RSRC1: variants seen among roughly 807,000 people sequenced by gnomAD.
RSRC1 encodes the protein serine/Arginine-related protein 53.
A neutral mutation model predicts 49.1 loss-of-function variants in RSRC1; 39 were observed. That is an observed-to-expected ratio of 0.79 (90% CI 0.61 to 1.04). RSRC1 has a LOEUF of 1.04. Among genes scored for constraint, RSRC1 ranks in the 50% least tolerant of loss-of-function variants. The pLI is 0.00. For missense variants in RSRC1, 388 were observed against 402.4 expected (o/e 0.96, Z 0.31); for synonymous variants, 143 against 130.8 (o/e 1.09, Z -0.63).
chr3:158,248,287 T>C (rs2108007976), intron 4 of RSRC1, among the ~76,000 whole-genome samples: 1 of 152,254 alleles, frequency 6.6e-6, no homozygotes, highest in South Asian at 2.1e-4. Context: ...GTAAATTACT[T>C]TTGTGTGTTT....
At chr3:158,300,448 G>T (rs993437109) in intron 5 of RSRC1, among the ~76,000 whole-genome samples, 1 of 152,042 alleles carries the variant, frequency 6.6e-6, no homozygotes, top group African/African-American at 2.4e-5. Flanking sequence ...TTTCTAAAAA[G>T]GTTCATGCCT....
At chr3:158,169,112 C>G (rs1414915976) in intron 3 of RSRC1, among the ~76,000 whole-genome samples, 1 of 152,164 alleles carries the variant, frequency 6.6e-6, no homozygotes, top group Non-Finnish European at 1.5e-5. Flanking sequence ...TGCTGCCTTT[C>G]CCTTTTGTGG....
chr3:158,116,752 A>G (rs1298467405), intron 1 of RSRC1, among the ~76,000 whole-genome samples: 3 of 152,142 alleles, frequency 2.0e-5, no homozygotes. Flanking sequence ...AAAGTGTTGT[A>G]GAGATCCCCA....
At chr3:158,238,157 C>A (rs80215354) in intron 4 of RSRC1, among the ~76,000 whole-genome samples, 1 of 152,080 alleles carries the variant, frequency 6.6e-6, no homozygotes, top group Non-Finnish European at 1.5e-5. Flanking sequence ...ATCCAACTTA[C>A]AAGGGATGTG....
At chr3:158,493,182 C>T (rs951050822) in intron 7 of RSRC1, among the ~76,000 whole-genome samples, 10 of 152,062 alleles carry the variant, frequency 6.6e-5, no homozygotes, top group Non-Finnish European at 1.0e-4. Context: ...CTGTAAGAAG[C>T]CCTAATCATC....
At chr3:158,430,629 A>C (rs2108356832) in intron 6 of RSRC1, among the ~76,000 whole-genome samples, 1 of 152,024 alleles carries the variant, frequency 6.6e-6, no homozygotes, top group Admixed American at 6.6e-5. Flanking sequence ...GGCAATAGGG[A>C]AATACAGATA....
chr3:158,183,489 C>G (rs1257802238), intron 3 of RSRC1, among the ~76,000 whole-genome samples: 1 of 151,350 alleles, frequency 6.6e-6, no homozygotes, highest in East Asian at 1.9e-4. Flanking sequence ...AGATTTTTTG[C>G]TTAAAAAGTA....
At chr3:158,310,314 A>C (rs1337559415) in intron 5 of RSRC1, among the ~76,000 whole-genome samples, 2 of 151,724 alleles carry the variant, frequency 1.3e-5, no homozygotes, top group Non-Finnish European at 3.0e-5. Context: ...GAGAGAGTCA[A>C]TTGTAAATGG....
chr3:158,413,583 C>T (rs1036209090), intron 6 of RSRC1, among the ~76,000 whole-genome samples: 1 of 151,882 alleles, frequency 6.6e-6, no homozygotes, highest in African/African-American at 2.4e-5. Flanking sequence ...TTTTTGCAAT[C>T]TATCCATCTG....
chr3:158,449,798 A>G (rs1169527019), intron 6 of RSRC1, among the ~76,000 whole-genome samples: 1 of 151,894 alleles, frequency 6.6e-6, no homozygotes, highest in Non-Finnish European at 1.5e-5. Flanking sequence ...GTCATTTTGA[A>G]TTGGTAAATT....
intron 4 of RSRC1, among the ~76,000 whole-genome samples, chr3:158,221,419 G>A (rs1722216306): frequency 6.6e-6 from 1 of 151,140 alleles, no homozygotes; most frequent in African/African-American, 2.4e-5. Flanking sequence ...TGAGAAACAT[G>A]GTATGCAGTA....
intron 5 of RSRC1, among the ~76,000 whole-genome samples, chr3:158,301,854 A>G (rs1429579249): frequency 6.6e-6 from 1 of 152,152 alleles, no homozygotes; most frequent in Non-Finnish European, 1.5e-5. Context: ...TCAAAATTAT[A>G]CACAGTGGTA....
chr3:158,226,535 TG>T (rs1722540847), intron 4 of RSRC1, among the ~76,000 whole-genome samples: 1 of 151,980 alleles, frequency 6.6e-6, no homozygotes. Context: ...AACAGGTGGA[TG>T]TTTGACATTG....
Position 158,117,881 on chromosome 3 carries a change from T to TTTTCTTTCTTTCTTTCTTTCTTTCTTTC in RSRC1, c.-2-4218_-2-4191dup, listed in dbSNP as rs139354874. ...TTCTGTTTGTAAAATGTCTGTCTCT[T>TTTTCTTTCTTTCTTTCTTTCTTTCTTTC]TTTCTTTCTTTCTTTCTTTCTTTCT... On this transcript the variant is annotated intron_variant, in intron 1 of 9. Transcript: ENST00000611884. Among the ~76,000 whole-genome samples, 603 of 150,474 alleles carry TTTTCTTTCTTTCTTTCTTTCTTTCTTTC rather than the reference T, an allele frequency of 4.0e-3. 9 individuals are homozygous for TTTTCTTTCTTTCTTTCTTTCTTTCTTTC. Among genetic ancestry groups the TTTTCTTTCTTTCTTTCTTTCTTTCTTTC allele is most frequent in the African/African-American group, 0.014 (578 of 40,490 alleles).
At position 158,282,322 on chromosome 3, in the gene RSRC1, A is replaced by G. The variant is rs555001622; in HGVS notation, c.495-15717A>G. On this transcript the variant is annotated intron_variant, in intron 4 of 9. Transcript: ENST00000611884. ...AAAGTGATGTGGCCTGTTTTATGTG[A>G]CAATTTGTAACTTTTGTGTGGCATG... 1.4e-4 allele frequency among the ~76,000 whole-genome samples: 22 copies of G among 152,304 alleles called. No homozygotes were observed. The South Asian group carries it at 1.7e-3, about 11-fold the overall frequency.
intron 6 of RSRC1, among the ~76,000 whole-genome samples, chr3:158,401,606 A>G (rs1733898266): frequency 6.6e-6 from 1 of 152,020 alleles, no homozygotes; most frequent in Non-Finnish European, 1.5e-5. Flanking sequence ...TTTTCCTATT[A>G]GCAAATACTG....
chr3:158,236,456 T>C (rs1723253904), intron 4 of RSRC1, among the ~76,000 whole-genome samples: 1 of 152,218 alleles, frequency 6.6e-6, no homozygotes, highest in African/African-American at 2.4e-5. Context: ...TGTTTGTGCT[T>C]TTCTTTGCAG....
chr3:158,426,743 C>T (rs188499548), intron 6 of RSRC1, among the ~76,000 whole-genome samples: 40 of 151,552 alleles, frequency 2.6e-4, no homozygotes, highest in Admixed American at 1.6e-3. Context: ...GAAGCCATAC[C>T]GAAATGAACT....
At chr3:158,208,938 CCTAACATATAGTTGA>C (rs11275532) in intron 4 of RSRC1, among the ~76,000 whole-genome samples, 3,269 of 152,162 alleles carry the variant, frequency 0.021, 123 homozygotes, top group African/African-American at 0.075. Flanking sequence ...ATCCAAACTG[CCTAACATATAGTTGA>C]CTGGTATAAA....
Sources: gnomAD v4.1 joint callset for allele counts (sites outside exome capture counted in the v4.1 genomes callset) on GRCh38, gnomAD v4.1.1 for gene constraint, MANE v1.5 for transcripts, NCBI Gene and HGNC (gene_info 2026-07-23, HGNC 2026-07-21) for gene names.